Variants in ZNF236 observed in about 807,000 individuals in gnomAD.
ZNF236 encodes the protein regulated by glucose.
In ZNF236, 50 loss-of-function variants were observed where a neutral mutation model predicts 191.2. That is an observed-to-expected ratio of 0.26 (90% confidence interval 0.21 to 0.33). The LOEUF is 0.33. ZNF236 is among the 10% of genes least tolerant of loss of function. The pLI, the probability that ZNF236 is intolerant of heterozygous loss-of-function variation, is 1.00. For synonymous variants in ZNF236, 907 were observed against 928.8 expected, an observed-to-expected ratio of 0.98 and a Z score of 0.43; for missense variants, 1,754 against 2,374.5, an observed-to-expected ratio of 0.74 and a Z score of 5.43.
At chr18:76,953,844 C>T (rs946336919) in intron 27 of ZNF236, among the ~76,000 whole-genome samples, 6 of 152,296 alleles carry the variant, frequency 3.9e-5, no homozygotes, top group Non-Finnish European at 7.4e-5. Context: ...CCGTTCTTTC[C>T]GGGCTCATTA....
At position 76,878,047 on chromosome 18, in the gene ZNF236, T is replaced by C. The variant is rs771467134; in HGVS notation, c.879T>C (p.Ser293=). Residue 293 remains serine, a synonymous_variant, in exon 7 of 31, where the codon AGT becomes AGC. Coordinates refer to ENST00000320610, the MANE Select transcript of ZNF236 (RefSeq NM_001306089.2). ...CTACCTATAACTGTACAGAATGTAG[T>C]TGTGTATTTAAAAGTTTAGGCAGCT... The part of the protein sequence containing the change: ...NGPTYNCTEC[S]CVFKSLGSLN... The C allele has an allele frequency of 6.2e-7, 1 of 1,612,994 alleles. No homozygotes were observed. The highest frequency in any genetic ancestry group is 8.5e-7 in the Non-Finnish European group (1 of 1,179,306).
chr18:76,956,082 C>T lies in ZNF236; in HGVS notation c.5012C>T (p.Ala1671Val), dbSNP rs200600520. The change falls in exon 28 of 31, where the codon GCG (alanine) becomes GTG (valine). Residue 1671 changes from alanine (A) to valine (V), a missense_variant. Transcript: ENST00000320610. ...GAGTGTGACCGCGCCTTCTCATCGG[C>T]GGCGGTGCTCATGCACCACAGCAAG... ...CLECDRAFSS[A>V]AVLMHHSKEV... 2.6e-4 allele frequency: 416 copies of T among 1,596,008 alleles called. 2 individuals carry two copies. The highest frequency in any genetic ancestry group is 6.8e-5 in the East Asian group (3 of 44,244).
chr18:76,914,615 G>T (rs1967307592), intron 18 of ZNF236, among the ~76,000 whole-genome samples: 1 of 152,076 alleles, frequency 6.6e-6, no homozygotes, highest in African/African-American at 2.4e-5. Context: ...ACGTGCCATT[G>T]TGGTTTTGCT....
At chr18:76,865,996 T>G (rs1568202482) in intron 3 of ZNF236, among the ~76,000 whole-genome samples, 1 of 152,254 alleles carries the variant, frequency 6.6e-6, no homozygotes, top group Non-Finnish European at 1.5e-5. Context: ...TGGTCACTAC[T>G]CTGTCCAAAT....
intron 28 of ZNF236, 113 bp downstream of exon 28, chr18:76,956,295 GT>G: frequency 1.6e-6 from 2 of 1,289,690 alleles, no homozygotes; most frequent in Non-Finnish European, 2.1e-6. Context: ...GAAAAGGCCG[GT>G]TTTTGAGGAA....
At chr18:76,914,740 G>A (rs1462095955) in intron 18 of ZNF236, among the ~76,000 whole-genome samples, 1 of 152,166 alleles carries the variant, frequency 6.6e-6, no homozygotes, top group Non-Finnish European at 1.5e-5. Flanking sequence ...TTATTGAGTT[G>A]TAAGAGGTTT....
At chr18:76,836,322 G>A (rs547843096) in intron 1 of ZNF236, among the ~76,000 whole-genome samples, 126 of 152,114 alleles carry the variant, frequency 8.3e-4, no homozygotes, top group African/African-American at 2.7e-3. Context: ...CCGGGCGCAA[G>A]TGATTCTCCT....
At chr18:76,928,163 C>G in intron 25 of ZNF236, 57 bp downstream of exon 25, 1 of 1,361,146 alleles carries the variant, frequency 7.3e-7, no homozygotes, top group Non-Finnish European at 1.0e-6. Context: ...TACTGTATAT[C>G]TTACTATCTC....
At position 76,960,619 on chromosome 18, in the gene ZNF236, G is replaced by A; in HGVS notation, c.5243-60G>A. 1 of 1,594,604 alleles carries A rather than the reference G, an allele frequency of 6.3e-7. No individual in the cohort carries two copies. Among genetic ancestry groups the A allele is most frequent in the Non-Finnish European group, 8.6e-7 (1 of 1,163,544 alleles). On this transcript the variant is annotated intron_variant, in intron 29 of 30. Transcript: ENST00000320610. This position sits in a 1 kb window ranked among gnomAD's most constrained non-coding sequence, Gnocchi z 4.4. ...TCCCTCTTGTTCATACCTCAGGGTA[G>A]AGCCCAGGCATCCACTATACTTTTC...
chr18:76,922,855 C>T (rs1356808980), intron 20 of ZNF236, among the ~76,000 whole-genome samples: 1 of 152,168 alleles, frequency 6.6e-6, no homozygotes, highest in African/African-American at 2.4e-5. Flanking sequence ...CCGCTCCTGG[C>T]CCTAAGGAAA....
chr18:76,913,693 T>G (rs1206578240), intron 17 of ZNF236, 54 bp from the exon 18 acceptor site: 8 of 1,583,722 alleles, frequency 5.1e-6, no homozygotes, highest in Non-Finnish European at 6.9e-6. Context: ...GGTGCTGTAT[T>G]TGTAATTGTG....
intron 27 of ZNF236, among the ~76,000 whole-genome samples, chr18:76,952,879 A>G (rs1968441261): frequency 1.3e-5 from 2 of 152,202 alleles, no homozygotes; most frequent in African/African-American, 4.8e-5. Flanking sequence ...CATAGTGGTC[A>G]GAGATTGGGC....
intron 1 of ZNF236, among the ~76,000 whole-genome samples, chr18:76,846,343 G>A (rs1486206669): frequency 1.3e-5 from 2 of 152,236 alleles, no homozygotes; most frequent in African/African-American, 4.8e-5. Flanking sequence ...TGGACCAAAG[G>A]TGTTATTTGA....
At position 76,905,288 on chromosome 18, in the gene ZNF236, T is replaced by C. The variant is rs1354052141; in HGVS notation, c.2170T>C (p.Phe724Leu). Residue 724 changes from phenylalanine (F) to leucine (L), a missense_variant, in exon 13 of 31, where the codon TTC becomes CTC. Physicochemically the swap from Phe to Leu is conservative, Grantham distance 22 (BLOSUM62 0). Transcript: ENST00000320610. ...CAAGTGTCTGATATGTAATGGGGCT[T>C]TCACTACTGGTGGCAGCTTACGGCG... ...SFKCLICNGA[F>L]TTGGSLRRHM... is the part of the protein sequence containing the mutation. 6.2e-7 allele frequency: 1 copy of C among 1,614,200 alleles called. No homozygotes were observed. The highest frequency in any genetic ancestry group is 1.7e-5 in the Admixed American group (1 of 60,024).
At chr18:76,834,542 G>T in intron 1 of ZNF236, 2 of 493,198 alleles carry the variant, frequency 4.1e-6, no homozygotes, top group Non-Finnish European at 3.9e-6. Flanking sequence ...TCCAGTTTTA[G>T]CCTAGTGATA....
chr18:76,889,702 T>C (rs1015629736), intron 9 of ZNF236, among the ~76,000 whole-genome samples: 4 of 152,184 alleles, frequency 2.6e-5, no homozygotes, highest in African/African-American at 9.7e-5. Flanking sequence ...ATATATGTTT[T>C]TAAATTATTT....
intron 3 of ZNF236, among the ~76,000 whole-genome samples, chr18:76,863,475 C>T (rs1205892047): frequency 3.3e-5 from 5 of 152,216 alleles, no homozygotes; most frequent in Admixed American, 2.0e-4. Context: ...TGCAGAAGAA[C>T]ACTGATTCAG....
intron 9 of ZNF236, among the ~76,000 whole-genome samples, chr18:76,891,208 A>C (rs1044090717): frequency 6.6e-6 from 1 of 151,886 alleles, no homozygotes; most frequent in African/African-American, 2.4e-5. Context: ...TTTTTTTCTA[A>C]TTTGTTTGCC....
chr18:76,968,085 A>G, intron 30 of ZNF236, 130 bp from the exon 31 acceptor site: 1 of 1,215,354 alleles, frequency 8.2e-7, no homozygotes, highest in Non-Finnish European at 1.2e-6. Flanking sequence ...CTCTTTTTTC[A>G]CTGGAATGAA....
Sources: allele counts gnomAD v4.1 joint callset (sites outside exome capture counted in the v4.1 genomes callset), GRCh38; gene constraint gnomAD v4.1.1; non-coding constraint Gnocchi (gnomAD v3.1); transcripts MANE v1.5; gene names NCBI Gene and HGNC (gene_info 2026-07-23, HGNC 2026-07-21).